The following PAPOLA variants were observed in gnomAD, a reference collection of about 807,000 sequenced individuals.
PAPOLA encodes the protein poly(A) polymerase alpha.
A neutral mutation model predicts 100.6 loss-of-function variants in PAPOLA; 15 were observed. The observed-to-expected ratio is 0.15, with a 90% CI of 0.10 to 0.23. PAPOLA has a LOEUF of 0.23. Among genes scored for constraint, PAPOLA ranks in the 10% least tolerant of loss-of-function variants. The pLI, the probability that PAPOLA is intolerant of heterozygous loss-of-function variation, is 1.00. For missense variants in PAPOLA, 533 were observed against 884.2 expected, an observed-to-expected ratio of 0.60 and a Z score of 5.04; for synonymous variants, 293 against 300.0, an observed-to-expected ratio of 0.98 and a Z score of 0.24.
intron 12 of PAPOLA, chr14:96,537,815 T>C (rs1899663588): frequency 1.3e-5 from 2 of 152,076 alleles, no homozygotes; most frequent in African/African-American, 2.4e-5. Context: ...TTTCTGACCA[T>C]TTGATCTTGT....
At chr14:96,547,674 C>T (rs1900496390) in intron 15 of PAPOLA, 123 bp from the exon 16 acceptor site, 10 of 670,738 alleles carry the variant, frequency 1.5e-5, no homozygotes, top group East Asian at 1.2e-4. Context: ...AGGTCTTGAC[C>T]GATCTACAGA....
chr14:96,514,178 A>T (rs1289424868), intron 1 of PAPOLA, among the ~76,000 whole-genome samples: 2 of 146,950 alleles, frequency 1.4e-5, no homozygotes, highest in African/African-American at 5.1e-5. Context: ...TGCATTAGGT[A>T]TCTTTTTTTT....
chr14:96,535,425 T>C, intron 10 of PAPOLA: 1 of 984,052 alleles, frequency 1.0e-6, no homozygotes, highest in Non-Finnish European at 1.2e-6. Flanking sequence ...TAATGTAGTT[T>C]CACCGCGTGT....
At chr14:96,537,176 T>C in intron 12 of PAPOLA, 116 bp downstream of exon 12, 1 of 686,436 alleles carries the variant, frequency 1.5e-6, no homozygotes, top group Non-Finnish European at 2.6e-6. Context: ...TTCTTTCCTG[T>C]CACAAGGACA....
In PAPOLA at chr14:96,565,700, AT is replaced by A. The variant is rs1902218634; in HGVS notation, c.*651del. ...GTTTTGATAGGGTCATGATTAAGAA[AT>A]GATATATTGGTTTTATTTATGGAAT... On this transcript the variant is annotated 3_prime_UTR_variant, in exon 22 of 22. Coordinates refer to ENST00000216277, the MANE Select transcript of PAPOLA (RefSeq NM_032632.5). 1 of 397,774 alleles carries A rather than the reference AT, an allele frequency of 2.5e-6. No homozygotes were observed. Among genetic ancestry groups the A allele is most frequent in the African/African-American group, 2.1e-5 (1 of 48,588 alleles). 24.6% of individuals were successfully genotyped at this position (397,774 alleles called of 1,614,324 possible).
intron 1 of PAPOLA, among the ~76,000 whole-genome samples, chr14:96,506,148 C>T (rs1027829844): frequency 6.6e-6 from 1 of 152,176 alleles, no homozygotes; most frequent in Non-Finnish European, 1.5e-5. Context: ...GTGATCCCCC[C>T]CCACCTCGGC....
At chr14:96,534,908 T>A in intron 10 of PAPOLA, 1 of 1,020,834 alleles carries the variant, frequency 9.8e-7, no homozygotes, top group South Asian at 4.4e-5. Flanking sequence ...ATTTTTTATT[T>A]TATCTAAGTA....
At chr14:96,529,868 GA>G (rs1451672366) in intron 6 of PAPOLA, among the ~76,000 whole-genome samples, 3 of 152,114 alleles carry the variant, frequency 2.0e-5, no homozygotes, top group Non-Finnish European at 4.4e-5. Flanking sequence ...CTTTCCTTTA[GA>G]AAAGAAACAA....
intron 13 of PAPOLA, 119 bp from the exon 14 acceptor site, chr14:96,542,655 A>T (rs539936188): frequency 1.1e-6 from 1 of 933,634 alleles, no homozygotes; most frequent in Non-Finnish European, 1.6e-6. Flanking sequence ...GTAGAACATA[A>T]GGCTTCTGGT....
At chr14:96,564,409 T>C (rs993330743) in intron 21 of PAPOLA, among the ~76,000 whole-genome samples, 1 of 152,126 alleles carries the variant, frequency 6.6e-6, no homozygotes, top group East Asian at 1.9e-4. Flanking sequence ...TTTTTTAGTG[T>C]TAAAGAACGC....
rs1902298161 is a variant in PAPOLA, at chr14:96,566,672, A to C, written c.*1622A>C. The C allele has an allele frequency of 6.6e-6, 1 of 152,444 alleles. No homozygotes were observed. The highest frequency in any genetic ancestry group is 6.6e-5 in the Admixed American group (1 of 15,262). 9.4% of individuals were successfully genotyped at this position (152,444 alleles called of 1,614,324 possible). A position where few individuals can be genotyped will look rare whatever the true frequency, so the allele number is the denominator to read the frequency against. On this transcript the variant is annotated 3_prime_UTR_variant, in exon 22 of 22. Transcript: ENST00000216277. ...CTAGTAAACAATATTTCTACTTCCC[A>C]CATCTTTGCTTTACACAGTCACCTT...
At chr14:96,559,606 CATATATATATGTAT>C (rs1901671382) in intron 19 of PAPOLA, among the ~76,000 whole-genome samples, 2 of 143,632 alleles carry the variant, frequency 1.4e-5, no homozygotes, top group East Asian at 2.0e-4. Context: ...TACACACACA[CATATATATATGTAT>C]ATATATATAT....
chr14:96,557,248 G>A (rs1338489829), intron 19 of PAPOLA, among the ~76,000 whole-genome samples: 1 of 152,202 alleles, frequency 6.6e-6, no homozygotes, highest in Admixed American at 6.5e-5. Context: ...ACAGAGTCTT[G>A]CTATGTTATC....
At chr14:96,527,322 C>T (rs1898576172) in intron 4 of PAPOLA, 108 bp from the exon 5 acceptor site, 3 of 656,028 alleles carry the variant, frequency 4.6e-6, no homozygotes, top group Non-Finnish European at 8.0e-6. Context: ...TTTTTAGAAG[C>T]TCACCAGTAT....
intron 1 of PAPOLA, among the ~76,000 whole-genome samples, chr14:96,517,880 TA>T (rs1001549971): frequency 6.6e-6 from 1 of 152,132 alleles, no homozygotes; most frequent in African/African-American, 2.4e-5. Flanking sequence ...TTTGTATTTT[TA>T]TTAGAAATGG....
chr14:96,542,255 A>G lies in PAPOLA; in HGVS notation c.1128A>G (p.Val376=), dbSNP rs1202999545. Residue 376 remains valine (V), a synonymous_variant, in exon 13 of 22, where the codon GTA becomes GTG. Transcript: ENST00000216277. ...TTTATCTTCAAAGGCATTATATTGT[A>G]CTTCTAGCAAGTGCACCAACAGAAA... The part of the protein sequence containing the change: ...NFFQKYKHYI[V]LLASAPTEKQ... The G allele has an allele frequency of 6.3e-7, 1 of 1,592,864 alleles. No individual in the cohort carries two copies. Among genetic ancestry groups the G allele is most frequent in the Non-Finnish European group, 8.6e-7 (1 of 1,161,230 alleles).
At chr14:96,557,682 A>C (rs1901465875) in intron 19 of PAPOLA, among the ~76,000 whole-genome samples, 1 of 150,962 alleles carries the variant, frequency 6.6e-6, no homozygotes, top group Non-Finnish European at 1.5e-5. Flanking sequence ...TGTTTTGATT[A>C]AGAATGGTGA....
chr14:96,524,597 C>A (rs780621320), intron 3 of PAPOLA, among the ~76,000 whole-genome samples: 2 of 152,004 alleles, frequency 1.3e-5, no homozygotes, highest in African/African-American at 4.8e-5. Flanking sequence ...TCATGGCTCA[C>A]GTAGCCTTGA....
chr14:96,511,093 G>T (rs1283425582), intron 1 of PAPOLA, among the ~76,000 whole-genome samples: 1 of 152,162 alleles, frequency 6.6e-6, no homozygotes, highest in Non-Finnish European at 1.5e-5. Flanking sequence ...AGAATATTTA[G>T]CAAGTTTGGC....
Sources: allele counts gnomAD v4.1 joint callset (sites outside exome capture counted in the v4.1 genomes callset), GRCh38; gene constraint gnomAD v4.1.1; transcripts MANE v1.5; gene names NCBI Gene and HGNC (gene_info 2026-07-23, HGNC 2026-07-21).